The following WWTR1 variants were observed in gnomAD, a reference collection of about 807,000 sequenced individuals.
WWTR1 encodes the protein WW domain-containing transcription regulator protein 1.
A neutral mutation model predicts 40.1 loss-of-function variants in WWTR1; 13 were observed. The ratio of observed to expected loss-of-function variants is 0.32; its 90% CI spans 0.21 to 0.52. The LOEUF (loss-of-function observed/expected upper bound fraction) is 0.52, where lower values mean the gene tolerates loss of function less well. Ranked by LOEUF, WWTR1 falls within the 20% of genes least tolerant of loss-of-function variation. The pLI is 0.97. For synonymous variants in WWTR1, 230 were observed against 210.1 expected (o/e 1.09, Z -0.82); for missense variants, 436 against 523.1 (o/e 0.83, Z 1.63).
intron 3 of WWTR1, among the ~76,000 whole-genome samples, chr3:149,570,602 T>TAATAATAATAATAAC (rs1201626174): frequency 2.0e-4 from 28 of 139,006 alleles, no homozygotes; most frequent in African/African-American, 7.2e-4. Context: ...ATAATAATAA[T>TAATAATAATAATAAC]AACAAAAATT....
rs781518172 is a variant in WWTR1 at position 149,526,057 on chromosome 3, G to A, written c.974C>T (p.Thr325Ile). The A allele has an allele frequency of 6.2e-7, 1 of 1,610,196 alleles. No individual in the cohort carries two copies. The highest frequency in any genetic ancestry group is 8.5e-7 in the Non-Finnish European group (1 of 1,177,878). The change falls in exon 6 of 7, where the codon ACA becomes ATA. Residue 325 changes from threonine to isoleucine, a missense_variant. By Grantham distance (89) the Thr-to-Ile change is moderately conservative (BLOSUM62 -1). Transcript: ENST00000360632. ...ATTGCTGAGGAAGTCCTCCGGAGTT[G>A]TGGGGACACTGTAGCACCCTAACCC... ...GLGLGCYSVP[T>I]TPEDFLSNVD...
At chr3:149,675,885 T>A (rs1210536351) in intron 1 of WWTR1, among the ~76,000 whole-genome samples, 1 of 152,038 alleles carries the variant, frequency 6.6e-6, no homozygotes, top group Non-Finnish European at 1.5e-5. Flanking sequence ...GCCCAGCTAA[T>A]TTTTTGTGTT....
intron 2 of WWTR1, among the ~76,000 whole-genome samples, chr3:149,607,371 G>A (rs535320430): frequency 6.6e-6 from 1 of 152,276 alleles, no homozygotes; most frequent in South Asian, 2.1e-4. Context: ...TTGGAGTGCA[G>A]TAGCGTGATA....
At position 149,691,425 on chromosome 3, in the gene WWTR1, GA is replaced by G. The variant is rs560888270; in HGVS notation, c.-108+11698del. On this transcript the variant is annotated intron_variant, in intron 1 of 7. Transcript: ENST00000465804. ...ATCAACAAACCTTTAGCCAGACTAGGAAAAAAAGAAAGAAGACTCAGATAAA... is the reference window on the plus strand; with the variant it reads ...ATCAACAAACCTTTAGCCAGACTAGGAAAAAAGAAAGAAGACTCAGATAAA... Among the ~76,000 whole-genome samples the G allele has an allele frequency of 1.6e-3, 236 of 148,868 alleles. 1 individual carries two copies. Among genetic ancestry groups the G allele is most frequent in the African/African-American group, 5.6e-3 (230 of 40,848 alleles).
intron 1 of WWTR1, among the ~76,000 whole-genome samples, chr3:149,677,715 C>T (rs764541717): frequency 3.3e-5 from 5 of 152,170 alleles, no homozygotes; most frequent in Admixed American, 3.3e-4. Context: ...TGACGCGTGC[C>T]TATAATCCCA....
At chr3:149,568,405 A>G (rs1737435056) in intron 3 of WWTR1, among the ~76,000 whole-genome samples, 1 of 151,996 alleles carries the variant, frequency 6.6e-6, no homozygotes, top group South Asian at 2.1e-4. Flanking sequence ...TCAGGCTTAA[A>G]GGCCATTACT....
intron 3 of WWTR1, among the ~76,000 whole-genome samples, chr3:149,551,538 G>A (rs1421991552): frequency 6.9e-6 from 1 of 145,170 alleles, no homozygotes; most frequent in East Asian, 2.1e-4. Flanking sequence ...ACATGAGAGG[G>A]GAGCATAAAA....
chr3:149,701,234 C>T (rs1444230633), intron 1 of WWTR1, among the ~76,000 whole-genome samples: 1 of 152,086 alleles, frequency 6.6e-6, no homozygotes, highest in Non-Finnish European at 1.5e-5. Flanking sequence ...GAAAGTAAAG[C>T]ATGTGAATAA....
At chr3:149,587,930 A>G (rs1738508203) in intron 2 of WWTR1, among the ~76,000 whole-genome samples, 1 of 152,192 alleles carries the variant, frequency 6.6e-6, no homozygotes, top group South Asian at 2.1e-4. Flanking sequence ...ACTTGGTACC[A>G]TCTTTCTGAA....
intron 1 of WWTR1, among the ~76,000 whole-genome samples, chr3:149,693,670 A>G (rs1389327581): frequency 6.6e-6 from 1 of 152,210 alleles, no homozygotes; most frequent in Non-Finnish European, 1.5e-5. Context: ...CCCAGAATAG[A>G]GAACCCAGAA....
intron 2 of WWTR1, among the ~76,000 whole-genome samples, chr3:149,577,309 G>C (rs879640818): frequency 1.3e-5 from 2 of 152,008 alleles, no homozygotes; most frequent in African/African-American, 2.4e-5. Context: ...GTTCCTACGG[G>C]GAAGAAAAGC....
At chr3:149,530,512 T>G (rs539255479) in intron 4 of WWTR1, among the ~76,000 whole-genome samples, 2 of 151,684 alleles carry the variant, frequency 1.3e-5, no homozygotes, top group Non-Finnish European at 2.9e-5. Context: ...AGAACAAATA[T>G]CAAAAATTAG....
chr3:149,576,529 C>T (rs548749921), intron 2 of WWTR1, among the ~76,000 whole-genome samples: 2 of 152,270 alleles, frequency 1.3e-5, no homozygotes, highest in East Asian at 3.9e-4. Context: ...TGGCTTCACT[C>T]CCTTGCTTAG....
chr3:149,551,501 G>C (rs1314408177), intron 3 of WWTR1, among the ~76,000 whole-genome samples: 1 of 145,588 alleles, frequency 6.9e-6, no homozygotes, highest in African/African-American at 2.6e-5. Context: ...AACTTCATCA[G>C]AAACACTTTC....
chr3:149,640,269 A>G (rs1460927572), intron 2 of WWTR1, among the ~76,000 whole-genome samples: 1 of 152,198 alleles, frequency 6.6e-6, no homozygotes, highest in African/African-American at 2.4e-5. Flanking sequence ...AAACCCATCC[A>G]GATCAAGAGC....
chr3:149,527,241 G>A (rs930661054), intron 5 of WWTR1, among the ~76,000 whole-genome samples: 2 of 149,102 alleles, frequency 1.3e-5, no homozygotes, highest in African/African-American at 2.5e-5. Context: ...TGCAACCTCC[G>A]CCTCCCAGGT....
intron 2 of WWTR1, among the ~76,000 whole-genome samples, chr3:149,589,205 T>C (rs1738584945): frequency 6.6e-6 from 1 of 152,186 alleles, no homozygotes; most frequent in South Asian, 2.1e-4. Flanking sequence ...AATACTGTTA[T>C]TGCTGTCATC....
intron 2 of WWTR1, among the ~76,000 whole-genome samples, chr3:149,577,838 T>C (rs1216196093): frequency 2.0e-5 from 3 of 152,112 alleles, no homozygotes; most frequent in Non-Finnish European, 4.4e-5. Context: ...CCCCTCAGAC[T>C]GGCCTCCCCA....
intron 1 of WWTR1, among the ~76,000 whole-genome samples, chr3:149,699,298 T>C (rs1715093595): frequency 6.6e-6 from 1 of 151,430 alleles, no homozygotes; most frequent in Non-Finnish European, 1.5e-5. Flanking sequence ...CATTCTTTTT[T>C]TTTTTTTTTT....
Sources: allele counts gnomAD v4.1 joint callset (sites outside exome capture counted in the v4.1 genomes callset), GRCh38; gene constraint gnomAD v4.1.1; transcripts MANE v1.5; gene names NCBI Gene and HGNC (gene_info 2026-07-23, HGNC 2026-07-21).